TEX29: variants seen among roughly 807,000 people sequenced by gnomAD.
TEX29 encodes the protein testis expressed 29, also known as testis-expressed protein 29.
Under a neutral mutation model 18.2 loss-of-function variants are expected in TEX29, and 26 were observed. The ratio of observed to expected loss-of-function variants is 1.43; its 90% CI spans 1.04 to 1.98. TEX29 has a LOEUF of 1.98. Ranked by LOEUF, TEX29 falls within the 30% of genes most tolerant of loss-of-function variation. TEX29 has a pLI of 0.00. For synonymous variants in TEX29, 83 were observed against 78.5 expected (o/e 1.06, Z -0.31); for missense variants, 177 against 194.2 (o/e 0.91, Z 0.53).
intron 3 of TEX29, among the ~76,000 whole-genome samples, chr13:111,333,486 A>C (rs1567162422): frequency 6.6e-6 from 1 of 152,170 alleles, no homozygotes; most frequent in Admixed American, 6.5e-5. Flanking sequence ...TGCCTGCTCA[A>C]ATCTGCTGTT....
At chr13:111,322,303 C>T (rs945013017) in intron 2 of TEX29, among the ~76,000 whole-genome samples, 13 of 152,344 alleles carry the variant, frequency 8.5e-5, no homozygotes, top group African/African-American at 2.2e-4. Context: ...CCCGAGGGAA[C>T]GGGCCGCTCT....
At chr13:111,329,444 C>T (rs922841165) in intron 3 of TEX29, among the ~76,000 whole-genome samples, 4 of 151,358 alleles carry the variant, frequency 2.6e-5, no homozygotes, top group Non-Finnish European at 4.4e-5. Context: ...CTGCATTTCC[C>T]GCTAGACTGA....
intron 2 of TEX29, 66 bp from the exon 3 acceptor site, chr13:111,328,117 C>A: frequency 9.2e-7 from 1 of 1,088,300 alleles, no homozygotes; most frequent in Non-Finnish European, 1.4e-6. Flanking sequence ...TTCCCAGGTT[C>A]TTTAGCGGAG....
chr13:111,328,091 C>A, intron 2 of TEX29, 92 bp from the exon 3 acceptor site: 2 of 775,672 alleles, frequency 2.6e-6, no homozygotes, highest in South Asian at 1.5e-5. Flanking sequence ...AAACCCACAG[C>A]TGCTCCCCAC....
intron 3 of TEX29, among the ~76,000 whole-genome samples, chr13:111,335,639 C>T (rs532056293): frequency 8.5e-5 from 13 of 152,322 alleles, no homozygotes; most frequent in Non-Finnish European, 1.6e-4. Flanking sequence ...TTCCAAGGCA[C>T]TTATACCACT....
At chr13:111,331,137 G>A (rs1053390794) in intron 3 of TEX29, among the ~76,000 whole-genome samples, 6 of 152,158 alleles carry the variant, frequency 3.9e-5, no homozygotes, top group Non-Finnish European at 7.3e-5. Flanking sequence ...TGTTTTGCAA[G>A]GTGGCTAGAT....
At chr13:111,335,798 C>T (rs919140916) in intron 3 of TEX29, among the ~76,000 whole-genome samples, 4 of 152,134 alleles carry the variant, frequency 2.6e-5, no homozygotes, top group East Asian at 1.9e-4. Flanking sequence ...GAGATCCAAC[C>T]GTGTAAAGTG....
At position 111,342,950 on chromosome 13, in the gene TEX29, G is replaced by A; in HGVS notation, c.415+19G>A. The A allele has an allele frequency of 6.2e-7, 1 of 1,611,928 alleles. No individual in the cohort carries two copies. Among genetic ancestry groups the A allele is most frequent in the East Asian group, 2.2e-5 (1 of 44,804 alleles). ...GATGATGGTGAGAAGCTTCTGGAAT[G>A]ATCCTCAGCCTAAGGTCAAGGGCGT... On this transcript the variant is annotated intron_variant, in intron 5 of 5. Transcript: ENST00000283547.
upstream of TEX29, among the ~76,000 whole-genome samples, chr13:111,317,974 G>A (rs1366760152): frequency 3.3e-5 from 5 of 152,188 alleles, no homozygotes; most frequent in Non-Finnish European, 5.9e-5. Flanking sequence ...ACCTCAGCTC[G>A]ATTACATCGG....
At position 111,322,873 on chromosome 13, in the gene TEX29, C is replaced by T. The variant is rs376148540; in HGVS notation, c.58+1925C>T. On this transcript the variant is annotated intron_variant, in intron 2 of 5. Coordinates refer to ENST00000283547, the MANE Select transcript of TEX29 (RefSeq NM_152324.3). ...CCTGGCTTGGAGTTGGCTCAGGTGTCAGCACCACCGGTGGCCTCAGCGGGC... is the reference window on the plus strand; with the variant it reads ...CCTGGCTTGGAGTTGGCTCAGGTGTTAGCACCACCGGTGGCCTCAGCGGGC... Among the ~76,000 whole-genome samples the T allele has an allele frequency of 3.9e-5, 6 of 152,094 alleles. No homozygotes were observed. In the East Asian group the frequency reaches 9.7e-4, roughly 24 times the overall value.
chr13:111,339,147 T>G, intron 3 of TEX29: 1 of 418,758 alleles, frequency 2.4e-6, no homozygotes, highest in Non-Finnish European at 4.8e-6. Context: ...GGGCTGCCCC[T>G]CGTGGCCACC....
intron 3 of TEX29, among the ~76,000 whole-genome samples, chr13:111,331,449 A>G (rs1351507230): frequency 2.0e-5 from 3 of 151,336 alleles, no homozygotes; most frequent in Non-Finnish European, 4.4e-5. Flanking sequence ...TATATATTCT[A>G]GATATTAAAC....
chr13:111,323,428 G>C (rs1181940856), intron 2 of TEX29, among the ~76,000 whole-genome samples: 6 of 152,240 alleles, frequency 3.9e-5, no homozygotes, highest in Non-Finnish European at 8.8e-5. Flanking sequence ...CTGCCTGTCA[G>C]CTGCTGCCTA....
chr13:111,335,840 C>T (rs190580573), intron 3 of TEX29, among the ~76,000 whole-genome samples: 5 of 152,294 alleles, frequency 3.3e-5, no homozygotes, highest in South Asian at 2.1e-4. Flanking sequence ...AAGATCACAG[C>T]GAGGAAGGGA....
intron 2 of TEX29, among the ~76,000 whole-genome samples, chr13:111,327,849 C>T (rs919949038): frequency 6.6e-6 from 1 of 152,234 alleles, no homozygotes; most frequent in Non-Finnish European, 1.5e-5. Context: ...CGTTCCCTCC[C>T]GAACTCCCAA....
chr13:111,342,702 G>A (rs1430996373), intron 4 of TEX29, 54 bp from the exon 5 acceptor site: 1 of 1,573,874 alleles, frequency 6.4e-7, no homozygotes, highest in African/African-American at 1.4e-5. Context: ...GGAGGAACTG[G>A]AGAGTTTTCC....
At chr13:111,333,848 G>A (rs2093686033) in intron 3 of TEX29, among the ~76,000 whole-genome samples, 1 of 152,174 alleles carries the variant, frequency 6.6e-6, no homozygotes, top group East Asian at 1.9e-4. Flanking sequence ...AGACTATCAT[G>A]GAGTAAACTG....
At chr13:111,321,709 G>A (rs1005377381) in intron 2 of TEX29, among the ~76,000 whole-genome samples, 5 of 152,002 alleles carry the variant, frequency 3.3e-5, no homozygotes, top group Non-Finnish European at 5.9e-5. Context: ...GGCCACCTGA[G>A]GTCAGGAGTT....
At chr13:111,327,638 G>A (rs1046253268) in intron 2 of TEX29, among the ~76,000 whole-genome samples, 8 of 152,234 alleles carry the variant, frequency 5.3e-5, no homozygotes, top group Admixed American at 3.9e-4. Context: ...GGAAAGGGTC[G>A]TCTGCCAGGA....
Sources: gnomAD v4.1 joint callset for allele counts (sites outside exome capture counted in the v4.1 genomes callset) on GRCh38, gnomAD v4.1.1 for gene constraint, MANE v1.5 for transcripts, NCBI Gene and HGNC (gene_info 2026-07-23, HGNC 2026-07-21) for gene names.